Variants in ABI1 observed in about 807,000 individuals in gnomAD.
ABI1 encodes Abelson interactor 1.
In ABI1, 14 loss-of-function variants were observed where a neutral mutation model predicts 54.6. The observed-to-expected ratio is 0.26, with a 90% CI of 0.17 to 0.40. The LOEUF is 0.40. Among genes scored for constraint, ABI1 ranks in the 10% least tolerant of loss-of-function variants. The probability of loss-of-function intolerance (pLI) is 1.00; values close to 1 mark genes in which losing one functional copy is unlikely to be tolerated. For synonymous variants in ABI1, 194 were observed against 209.3 expected (o/e 0.93, Z 0.63); for missense variants, 443 against 598.3 (o/e 0.74, Z 2.71).
intron 6 of ABI1, among the ~76,000 whole-genome samples, 196 bp from the exon 7 acceptor site, chr10:26,765,514 A>G (rs936094412): frequency 2.6e-5 from 4 of 152,140 alleles, no homozygotes; most frequent in Non-Finnish European, 5.9e-5. Flanking sequence ...GCCCTACAGA[A>G]CCAGTGGACA....
chr10:26,769,187 G>A (rs7908040), intron 5 of ABI1, among the ~76,000 whole-genome samples, 195 bp from the exon 6 acceptor site: 63,480 of 151,876 alleles, frequency 0.42, 15,441 homozygotes, highest in African/African-American at 0.69. Context: ...ACTAAAATTT[G>A]TTACCTTTTC....
chr10:26,748,511 CATA>C lies in ABI1; in HGVS notation c.*56_*58del. 3 of 1,302,600 alleles carry C rather than the reference CATA, an allele frequency of 2.3e-6. No homozygotes were observed. The highest frequency in any genetic ancestry group is 3.2e-6 in the Non-Finnish European group (3 of 948,846). 80.7% of individuals were successfully genotyped at this position (1,302,600 alleles called of 1,614,324 possible). A position where few individuals can be genotyped will look rare whatever the true frequency, so the allele number is the denominator to read the frequency against. On this transcript the variant is annotated 3_prime_UTR_variant, in exon 11 of 11. Transcript: ENST00000376140. ...AACATATTAAGACAGTTCTGTTAAC[CATA>C]ATAGTCCCACAGTATGACTGAGTAA... is the stretch of plus-strand genomic sequence containing the variant.
chr10:26,776,972 A>G, intron 3 of ABI1, 93 bp downstream of exon 3: 1 of 1,115,556 alleles, frequency 9.0e-7, no homozygotes. Context: ...TGCTAAAGAG[A>G]ATCTATTAAA....
intron 3 of ABI1, chr10:26,776,573 C>T: frequency 6.8e-6 from 1 of 147,348 alleles, no homozygotes. Flanking sequence ...TCCTGAAAAT[C>T]TGTTGGGGGT....
chr10:26,794,100 C>T (rs1001347472), intron 2 of ABI1, among the ~76,000 whole-genome samples: 3 of 151,900 alleles, frequency 2.0e-5, no homozygotes, highest in African/African-American at 7.3e-5. Context: ...AAAAATTAGC[C>T]GGGCATGACA....
At chr10:26,800,944 T>C (rs1367702204) in intron 2 of ABI1, among the ~76,000 whole-genome samples, 1 of 152,200 alleles carries the variant, frequency 6.6e-6, no homozygotes, top group Non-Finnish European at 1.5e-5. Flanking sequence ...AGGCAGAGGC[T>C]GCGGTGAGCC....
chr10:26,781,204 C>CT (rs1842061041), intron 2 of ABI1, among the ~76,000 whole-genome samples: 1 of 152,218 alleles, frequency 6.6e-6, no homozygotes, highest in South Asian at 2.1e-4. Context: ...AGGTATGCCT[C>CT]TTTTGAAAAG....
intron 8 of ABI1, among the ~76,000 whole-genome samples, chr10:26,757,735 G>T (rs952799304): frequency 6.6e-6 from 1 of 151,992 alleles, no homozygotes; most frequent in Non-Finnish European, 1.5e-5. Context: ...CAATTCTTAG[G>T]AATTTTTGCT....
chr10:26,781,602 C>T (rs1475679648), intron 2 of ABI1, among the ~76,000 whole-genome samples: 4 of 152,214 alleles, frequency 2.6e-5, no homozygotes, highest in Non-Finnish European at 4.4e-5. Context: ...GACATTCTCA[C>T]AGATCTGGCC....
At chr10:26,785,444 G>T (rs1379427774) in intron 2 of ABI1, among the ~76,000 whole-genome samples, 1 of 152,224 alleles carries the variant, frequency 6.6e-6, no homozygotes, top group Non-Finnish European at 1.5e-5. Flanking sequence ...ATCTCCAGTT[G>T]GGTGTGGTGG....
intron 6 of ABI1, among the ~76,000 whole-genome samples, chr10:26,767,786 C>T (rs534701045): frequency 4.7e-4 from 71 of 152,230 alleles, no homozygotes; most frequent in African/African-American, 1.7e-3. Flanking sequence ...GTGGATCATG[C>T]CTGTAATCCC....
rs57494089 is a variant in ABI1, at chr10:26,845,146, T to TAAA, written c.117+15598_117+15600dup. ...ATAGGAACATATTACCTAAATGCTT[T>TAAA]AAAAAAAAAAAAAGCTGCTTGACAT... On this transcript the variant is annotated intron_variant, in intron 1 of 10. Coordinates refer to ENST00000376140, the MANE Select transcript of ABI1 (RefSeq NM_001012750.3). Among the ~76,000 whole-genome samples the TAAA allele has an allele frequency of 1.6e-4, 24 of 146,252 alleles. No homozygotes were observed. In the South Asian group the frequency reaches 3.8e-3, roughly 23 times the overall value.
intron 2 of ABI1, among the ~76,000 whole-genome samples, chr10:26,813,150 G>A (rs1481381524): frequency 1.3e-5 from 2 of 151,930 alleles, no homozygotes; most frequent in Non-Finnish European, 2.9e-5. Context: ...TTGGGAGGCT[G>A]AGGCAGGAGA....
intron 2 of ABI1, among the ~76,000 whole-genome samples, chr10:26,807,873 C>T: frequency 6.6e-6 from 1 of 152,190 alleles, no homozygotes. Context: ...GGATGGATCA[C>T]TTGAGGTCAG....
chr10:26,767,551 G>A (rs1840109555), intron 6 of ABI1, among the ~76,000 whole-genome samples: 1 of 152,094 alleles, frequency 6.6e-6, no homozygotes, highest in Non-Finnish European at 1.5e-5. Flanking sequence ...GAAGGTCGAG[G>A]CGATAACCAG....
chr10:26,803,009 T>A (rs542559640), intron 2 of ABI1, among the ~76,000 whole-genome samples: 1 of 152,154 alleles, frequency 6.6e-6, no homozygotes, highest in African/African-American at 2.4e-5. Flanking sequence ...GGAGTATATA[T>A]AGAAGTACTA....
intron 2 of ABI1, 100 bp downstream of exon 2, chr10:26,823,038 G>C (rs757629618): frequency 9.3e-7 from 1 of 1,074,372 alleles, no homozygotes; most frequent in African/African-American, 1.7e-5. Context: ...ATTATCACCA[G>C]TAAGATGAGT....
At chr10:26,764,418 T>G (rs1839637001) in intron 7 of ABI1, among the ~76,000 whole-genome samples, 1 of 152,186 alleles carries the variant, frequency 6.6e-6, no homozygotes, top group African/African-American at 2.4e-5. Flanking sequence ...TTGAATATCA[T>G]AGATAAATGT....
At chr10:26,777,452 A>G (rs1418569902) in intron 2 of ABI1, among the ~76,000 whole-genome samples, 1 of 152,178 alleles carries the variant, frequency 6.6e-6, no homozygotes, top group Non-Finnish European at 1.5e-5. Flanking sequence ...TGATTCTAAA[A>G]CAATTCTCTG....
Sources: allele counts gnomAD v4.1 joint callset (sites outside exome capture counted in the v4.1 genomes callset), GRCh38; gene constraint gnomAD v4.1.1; transcripts MANE v1.5; gene names NCBI Gene and HGNC (gene_info 2026-07-23, HGNC 2026-07-21).